The following TIAM2 variants were observed in gnomAD, a reference collection of about 807,000 sequenced individuals.
TIAM2 encodes TIAM Rac1 associated GEF 2.
In TIAM2, 80 loss-of-function variants were observed where a neutral mutation model predicts 152.9. The ratio of observed to expected loss-of-function variants is 0.52; its 90% CI spans 0.44 to 0.63. The LOEUF (loss-of-function observed/expected upper bound fraction) is 0.63, where lower values mean the gene tolerates loss of function less well. Among genes scored for constraint, TIAM2 ranks in the 30% least tolerant of loss-of-function variants. The pLI, the probability that TIAM2 is intolerant of heterozygous loss-of-function variation, is 0.00. For synonymous variants in TIAM2, 804 were observed against 838.0 expected (o/e 0.96, Z 0.70); for missense variants, 1,965 against 2,120.1 (o/e 0.93, Z 1.44).
rs150572892 is a variant in TIAM2 at position 155,099,792 on chromosome 6, G to A, written c.-118+9413G>A. Among the ~76,000 whole-genome samples, 1,164 of 152,338 alleles carry A rather than the reference G, an allele frequency of 7.6e-3. 17 individuals carry two copies. The highest frequency in any genetic ancestry group is 0.026 in the African/African-American group (1,093 of 41,564). On this transcript the variant is annotated intron_variant, in intron 2 of 26. Coordinates refer to ENST00000682666, the MANE Select transcript of TIAM2 (RefSeq NM_012454.4). The stretch of plus-strand genomic sequence containing the variant: ...GGGGAAAGTTCTGAGAAAAGTGTAA[G>A]ATGATTTCCTCATTGTGTGAACATC...
At chr6:155,242,914 C>CTTT in intron 16 of TIAM2, among the ~76,000 whole-genome samples, 1 of 126,578 alleles carries the variant, frequency 7.9e-6, no homozygotes, top group East Asian at 3.1e-4. Context: ...TTTTTTTTTT[C>CTTT]TTTTTTTTAG....
In TIAM2 at chr6:155,148,316, G is replaced by C. The variant is rs1162690669; in HGVS notation, c.2010G>C (p.Arg670Ser). 6.2e-7 allele frequency: 1 copy of C among 1,611,948 alleles called. No individual in the cohort carries two copies. Among genetic ancestry groups the C allele is most frequent in the Admixed American group, 1.7e-5 (1 of 59,978 alleles). Reference protein sequence around the residue: ...QLSVVSDPKNRKAIENQIQQW... With the variant: ...QLSVVSDPKNSKAIENQIQQW... ...CCGTGGTGAGCGACCCAAAGAACAGGAAAGCCATAGAGAACCAGGTACTGT... is the reference window on the plus strand; with the variant it reads ...CCGTGGTGAGCGACCCAAAGAACAGCAAAGCCATAGAGAACCAGGTACTGT... Residue 670 changes from arginine to serine, a missense_variant, in exon 7 of 27, where the codon AGG (arginine) becomes AGC (serine). Arg to Ser is a moderately radical substitution (Grantham distance 110, BLOSUM62 -1). Around this residue, in one of 3 missense-constraint regions of TIAM2, gnomAD observed 1,025 missense variants for 1,119.4 expected, o/e 0.92. Coordinates refer to ENST00000682666, the MANE Select transcript of TIAM2 (RefSeq NM_012454.4).
At chr6:155,019,575 G>A (rs1776422688) in intron 1 of TIAM2, among the ~76,000 whole-genome samples, 1 of 152,222 alleles carries the variant, frequency 6.6e-6, no homozygotes, top group African/African-American at 2.4e-5. Flanking sequence ...CAGTGGGACT[G>A]CTGTGGTTCC....
intron 1 of TIAM2, among the ~76,000 whole-genome samples, chr6:155,047,659 G>C (rs888833468): frequency 4.1e-5 from 4 of 97,798 alleles, no homozygotes; most frequent in African/African-American, 7.6e-5. Context: ...GGGAGAGAGA[G>C]AGAGAGAGGA....
intron 14 of TIAM2, among the ~76,000 whole-genome samples, chr6:155,207,014 A>C (rs560964796): frequency 1.3e-5 from 2 of 152,264 alleles, no homozygotes; most frequent in East Asian, 1.9e-4. Context: ...AGAACCCCTA[A>C]AACATGTTGC....
intron 2 of TIAM2, among the ~76,000 whole-genome samples, chr6:155,099,220 A>ATATGTGTG (rs1222226963): frequency 5.4e-5 from 8 of 148,186 alleles, no homozygotes; most frequent in African/African-American, 2.0e-4. Flanking sequence ...GTATATATAT[A>ATATGTGTG]TGTGTGTGTG....
intron 5 of TIAM2, among the ~76,000 whole-genome samples, chr6:155,139,667 T>A (rs185261312): frequency 1.1e-4 from 17 of 152,210 alleles, no homozygotes; most frequent in African/African-American, 3.6e-4. Flanking sequence ...AGGCCAGGTG[T>A]GGTGGCTCAC....
chr6:155,149,919 TA>T (rs11306248), intron 7 of TIAM2, among the ~76,000 whole-genome samples: 18,365 of 133,596 alleles, frequency 0.14, 1,171 homozygotes, highest in Admixed American at 0.21. Flanking sequence ...AGACTCTGTA[TA>T]AAAAAAAAAA....
At chr6:155,115,210 A>G (rs1345989272) in intron 2 of TIAM2, among the ~76,000 whole-genome samples, 2 of 151,888 alleles carry the variant, frequency 1.3e-5, no homozygotes, top group South Asian at 4.2e-4. Flanking sequence ...ATTAAGAAGT[A>G]CAAAATAATT....
chr6:155,125,220 G>A (rs567038472), intron 2 of TIAM2, among the ~76,000 whole-genome samples: 70 of 152,190 alleles, frequency 4.6e-4, no homozygotes, highest in African/African-American at 1.4e-3. Context: ...GCAGTGAGTC[G>A]AGATTGTACC....
intron 5 of TIAM2, among the ~76,000 whole-genome samples, chr6:155,142,740 G>T (rs951528815): frequency 6.6e-6 from 1 of 152,244 alleles, no homozygotes; most frequent in African/African-American, 2.4e-5. Context: ...TAATACTTGA[G>T]TTCTGTCAGC....
intron 14 of TIAM2, 78 bp downstream of exon 14, chr6:155,183,578 A>T: frequency 6.7e-7 from 1 of 1,490,284 alleles, no homozygotes; most frequent in Non-Finnish European, 9.0e-7. Context: ...TTGCTTGCAA[A>T]CTCAGATTAT....
At chr6:155,000,999 A>C (rs1345174488) in intron 1 of TIAM2, among the ~76,000 whole-genome samples, 1 of 152,164 alleles carries the variant, frequency 6.6e-6, no homozygotes, top group Non-Finnish European at 1.5e-5. Flanking sequence ...AACAAACAAA[A>C]AAAGAAACCA....
intron 1 of TIAM2, among the ~76,000 whole-genome samples, chr6:155,008,712 G>C (rs1479822536): frequency 6.6e-6 from 1 of 152,144 alleles, no homozygotes; most frequent in Non-Finnish European, 1.5e-5. Flanking sequence ...TCAGTGTCTG[G>C]AATGTACGTA....
At chr6:155,028,505 A>G (rs1400707513) in intron 1 of TIAM2, among the ~76,000 whole-genome samples, 1 of 137,722 alleles carries the variant, frequency 7.3e-6, no homozygotes, top group Non-Finnish European at 1.5e-5. Context: ...ACTGTGTTAC[A>G]TATATACTAC....
chr6:155,045,930 G>A (rs1006444298), intron 1 of TIAM2, among the ~76,000 whole-genome samples: 1 of 143,846 alleles, frequency 7.0e-6, no homozygotes, highest in African/African-American at 2.6e-5. Flanking sequence ...CAGCTTTAAG[G>A]GTTCTGTTTT....
intron 4 of TIAM2, among the ~76,000 whole-genome samples, chr6:155,132,591 T>C (rs1005014548): frequency 6.6e-6 from 1 of 152,194 alleles, no homozygotes; most frequent in Non-Finnish European, 1.5e-5. Flanking sequence ...TTGACTTTTT[T>C]CTCTCAGCTC....
Position 155,164,508 on chromosome 6 carries a change from A to G in TIAM2, c.2122A>G (p.Asn708Asp). The G allele has an allele frequency of 6.2e-7, 1 of 1,614,108 alleles. No homozygotes were observed. The highest frequency in any genetic ancestry group is 8.5e-7 in the Non-Finnish European group (1 of 1,180,016). The change falls in exon 8 of 27, where the codon AAC (asparagine) becomes GAC (aspartate). Residue 708 changes from asparagine (N) to aspartate (D), a missense_variant. Physicochemically the swap from Asn to Asp is conservative, Grantham distance 23 (BLOSUM62 1). Transcript: ENST00000682666. ...LASLQGGELP[N>D]PKSLLAAASR... ...CAGCCTACAAGGTGGGGAGTTACCGAACCCAAAGAGTCTCCTTGCAGCCGC... is the reference window on the plus strand; with the variant it reads ...CAGCCTACAAGGTGGGGAGTTACCGGACCCAAAGAGTCTCCTTGCAGCCGC...
chr6:155,034,576 A>G (rs1776888504), intron 1 of TIAM2, among the ~76,000 whole-genome samples: 1 of 152,138 alleles, frequency 6.6e-6, no homozygotes, highest in African/African-American at 2.4e-5. Flanking sequence ...TTTAACCTTC[A>G]ACTGGATGTC....
Sources: allele counts gnomAD v4.1 joint callset (sites outside exome capture counted in the v4.1 genomes callset), GRCh38; gene constraint gnomAD v4.1.1; regional missense constraint gnomAD v4.1.1; transcripts MANE v1.5; gene names NCBI Gene and HGNC (gene_info 2026-07-23, HGNC 2026-07-21).